AGBL4: variants seen among roughly 807,000 people sequenced by gnomAD.
AGBL4 encodes AGBL carboxypeptidase 4, also known as cytosolic carboxypeptidase 6.
A neutral mutation model predicts 66.4 loss-of-function variants in AGBL4; 58 were observed. That is an observed-to-expected ratio of 0.87 (90% CI 0.71 to 1.09). The LOEUF (loss-of-function observed/expected upper bound fraction) is 1.09, where lower values mean the gene tolerates loss of function less well. AGBL4 is among the 50% of genes least tolerant of loss of function. The probability of loss-of-function intolerance (pLI) is 0.00; values close to 1 mark genes in which losing one functional copy is unlikely to be tolerated. For missense variants in AGBL4, 579 were observed against 631.0 expected, an observed-to-expected ratio of 0.92 and a Z score of 0.88; for synonymous variants, 234 against 222.9, an observed-to-expected ratio of 1.05 and a Z score of -0.44.
At chr1:48,947,355 C>T (rs1416038174) in intron 5 of AGBL4, among the ~76,000 whole-genome samples, 3 of 152,202 alleles carry the variant, frequency 2.0e-5, no homozygotes, top group South Asian at 2.1e-4. Flanking sequence ...TTATCTCGAA[C>T]AGTGCATCTT....
chr1:49,880,608 T>G (rs1015803276), intron 1 of AGBL4, among the ~76,000 whole-genome samples: 1 of 152,228 alleles, frequency 6.6e-6, no homozygotes, highest in East Asian at 1.9e-4. Flanking sequence ...TACTGCTGTC[T>G]TTTTGTTTGT....
At chr1:49,296,175 G>A (rs1370275827) in intron 3 of AGBL4, among the ~76,000 whole-genome samples, 3 of 152,144 alleles carry the variant, frequency 2.0e-5, no homozygotes, top group African/African-American at 7.2e-5. Flanking sequence ...GGCATTCTGG[G>A]TTTATCAGCA....
chr1:49,133,587 G>A (rs1645945391), intron 4 of AGBL4, among the ~76,000 whole-genome samples: 1 of 152,054 alleles, frequency 6.6e-6, no homozygotes, highest in African/African-American at 2.4e-5. Flanking sequence ...AGTATAATAT[G>A]TAGTATGTCA....
At chr1:49,864,738 A>T (rs770821078) in intron 1 of AGBL4, among the ~76,000 whole-genome samples, 34 of 152,302 alleles carry the variant, frequency 2.2e-4, no homozygotes, top group Non-Finnish European at 4.1e-4. Flanking sequence ...GATTCTTGGC[A>T]GTAGTTCAGC....
intron 1 of AGBL4, among the ~76,000 whole-genome samples, chr1:49,969,516 C>T (rs1272461510): frequency 6.6e-6 from 1 of 152,046 alleles, no homozygotes; most frequent in Non-Finnish European, 1.5e-5. Context: ...TAACTAATAC[C>T]TCCCCATTTC....
chr1:48,864,451 T>C (rs1251225927), intron 6 of AGBL4, among the ~76,000 whole-genome samples: 1 of 152,182 alleles, frequency 6.6e-6, no homozygotes, highest in Non-Finnish European at 1.5e-5. Context: ...TACTCATACG[T>C]AAAGAGACAT....
intron 1 of AGBL4, among the ~76,000 whole-genome samples, chr1:49,948,068 ATATGTAAATATATGTAAATATATG>A (rs1655534384): frequency 1.0e-5 from 1 of 97,764 alleles, no homozygotes. Flanking sequence ...ATATGTAAAT[ATATGTAAATATATGTAAATATATG>A]TATATGTATA....
chr1:49,214,307 C>T (rs575552532), intron 4 of AGBL4, among the ~76,000 whole-genome samples: 1 of 152,172 alleles, frequency 6.6e-6, no homozygotes, highest in South Asian at 2.1e-4. Context: ...ACACGATGCA[C>T]AAAAATGGGG....
intron 2 of AGBL4, among the ~76,000 whole-genome samples, chr1:49,709,514 G>T (rs973350420): frequency 1.3e-5 from 2 of 152,182 alleles, no homozygotes; most frequent in Non-Finnish European, 2.9e-5. Flanking sequence ...CATGGGCAAA[G>T]ACTTCATGAC....
At chr1:48,710,751 C>T (rs1444481845) in intron 6 of AGBL4, among the ~76,000 whole-genome samples, 1 of 152,172 alleles carries the variant, frequency 6.6e-6, no homozygotes, top group South Asian at 2.1e-4. Flanking sequence ...TGCCTATAGG[C>T]CCTGCGCTGG....
At chr1:49,654,472 A>G (rs566385297) in intron 3 of AGBL4, among the ~76,000 whole-genome samples, 1 of 152,172 alleles carries the variant, frequency 6.6e-6, no homozygotes, top group South Asian at 2.1e-4. Flanking sequence ...CAATTCCTGG[A>G]TATCCTTGTT....
chr1:49,899,079 A>G (rs572340394), intron 1 of AGBL4, among the ~76,000 whole-genome samples: 39 of 152,292 alleles, frequency 2.6e-4, no homozygotes, highest in Admixed American at 1.2e-3. Flanking sequence ...CAGAGGGACT[A>G]TAGTCAATAA....
chr1:49,674,777 T>G (rs995131153), intron 3 of AGBL4, among the ~76,000 whole-genome samples: 5 of 152,048 alleles, frequency 3.3e-5, no homozygotes, highest in African/African-American at 4.8e-5. Flanking sequence ...TAGAGAGGTA[T>G]CACTGCAAGA....
chr1:48,539,752 C>A lies in AGBL4; in HGVS notation c.1268-14G>T. On this transcript the variant is annotated splice_polypyrimidine_tract_variant and intron_variant, in intron 11 of 13. Transcript: ENST00000371839. ...CCAGCTTCATATCTGCAGGTGTGTG[C>A]ATTAAGGAGCAACTTCGAAAACAGA... 6.8e-7 allele frequency: 1 copy of A among 1,478,784 alleles called. No individual in the cohort carries two copies. Among genetic ancestry groups the A allele is most frequent in the Non-Finnish European group, 9.1e-7 (1 of 1,103,062 alleles). 91.6% of individuals were successfully genotyped at this position (1,478,784 alleles called of 1,614,324 possible).
intron 4 of AGBL4, among the ~76,000 whole-genome samples, chr1:49,237,255 T>C (rs1650830013): frequency 1.3e-5 from 2 of 150,396 alleles, no homozygotes; most frequent in South Asian, 4.2e-4. Context: ...AGAGGGAGAC[T>C]ACGTCTAAAA....
chr1:49,964,629 A>G (rs1458992683), intron 1 of AGBL4, among the ~76,000 whole-genome samples: 1 of 152,152 alleles, frequency 6.6e-6, no homozygotes, highest in Non-Finnish European at 1.5e-5. Flanking sequence ...TTATTACAGA[A>G]ATCATCCACT....
At chr1:48,806,776 G>A (rs142351781) in intron 6 of AGBL4, among the ~76,000 whole-genome samples, 3 of 152,338 alleles carry the variant, frequency 2.0e-5, no homozygotes, top group African/African-American at 7.2e-5. Flanking sequence ...TGGCAAAGTA[G>A]CTGATTCTGA....
intron 3 of AGBL4, among the ~76,000 whole-genome samples, chr1:49,590,569 T>C (rs1352910053): frequency 6.6e-6 from 1 of 152,034 alleles, no homozygotes; most frequent in Non-Finnish European, 1.5e-5. Context: ...TTAATACATT[T>C]CTATATACTT....
chr1:48,854,897 AG>A (rs1647112198), intron 6 of AGBL4, among the ~76,000 whole-genome samples: 1 of 152,204 alleles, frequency 6.6e-6, no homozygotes, highest in Admixed American at 6.5e-5. Context: ...ATACTGAGAA[AG>A]TTGAGTTAAG....
Sources: gnomAD v4.1 joint callset for allele counts (sites outside exome capture counted in the v4.1 genomes callset) on GRCh38, gnomAD v4.1.1 for gene constraint, MANE v1.5 for transcripts, NCBI Gene and HGNC (gene_info 2026-07-23, HGNC 2026-07-21) for gene names.